Variants in TRPM3 observed in about 807,000 individuals in gnomAD.
TRPM3 encodes transient receptor potential cation channel subfamily M member 3.
In TRPM3, 77 loss-of-function variants were observed where a neutral mutation model predicts 181.2. That is an observed-to-expected ratio of 0.42 (90% CI 0.35 to 0.51). The LOEUF (loss-of-function observed/expected upper bound fraction) is 0.51, where lower values mean the gene tolerates loss of function less well. TRPM3 is among the 20% of genes least tolerant of loss of function. The pLI, the probability that TRPM3 is intolerant of heterozygous loss-of-function variation, is 0.01. For missense variants in TRPM3, 1,759 were observed against 2,196.7 expected, an observed-to-expected ratio of 0.80 and a Z score of 3.98; for synonymous variants, 745 against 796.4, an observed-to-expected ratio of 0.94 and a Z score of 1.09.
chr9:71,035,178 C>A (rs1375584866), intron 1 of TRPM3, among the ~76,000 whole-genome samples: 1 of 152,164 alleles, frequency 6.6e-6, no homozygotes, highest in Non-Finnish European at 1.5e-5. Context: ...ACATGATTGA[C>A]AACCATTCAG....
Position 71,020,842 on chromosome 9 carries a change from A to G in TRPM3, c.177+100336T>C, listed in dbSNP as rs557890560. Among the ~76,000 whole-genome samples, 25 of 152,334 alleles carry G rather than the reference A, an allele frequency of 1.6e-4. No individual in the cohort carries two copies. In the Middle Eastern group the frequency reaches 0.01, roughly 62 times the overall value. ...ATCTACTAAACTTGAAAATTCTCAT[A>G]GTCTACAGTAATTTGCACAGTAATT... is the stretch of plus-strand genomic sequence containing the variant. On this transcript the variant is annotated intron_variant, in intron 1 of 25. Transcript: ENST00000677713.
At chr9:71,386,206 T>C (rs2092919681) in intron 1 of TRPM3, among the ~76,000 whole-genome samples, 1 of 151,882 alleles carries the variant, frequency 6.6e-6, no homozygotes, top group Non-Finnish European at 1.5e-5. Context: ...ATCCCAGCAC[T>C]TTGGGAGGCC....
intron 1 of TRPM3, among the ~76,000 whole-genome samples, chr9:71,114,893 A>G (rs950426433): frequency 4.6e-5 from 7 of 152,190 alleles, no homozygotes; most frequent in Admixed American, 1.3e-4. Flanking sequence ...AGCATAGAAA[A>G]TTCTGAAATT....
chr9:71,009,679 A>T (rs963510936), intron 1 of TRPM3, among the ~76,000 whole-genome samples: 1 of 152,190 alleles, frequency 6.6e-6, no homozygotes, highest in African/African-American at 2.4e-5. Context: ...TACAGATTTA[A>T]TGCAGTCTCT....
At chr9:71,099,381 T>G (rs2067899950) in intron 1 of TRPM3, among the ~76,000 whole-genome samples, 1 of 152,096 alleles carries the variant, frequency 6.6e-6, no homozygotes, top group African/African-American at 2.4e-5. Flanking sequence ...ACATAAATTT[T>G]GGGGGGGTAT....
intron 1 of TRPM3, among the ~76,000 whole-genome samples, chr9:71,031,972 T>TA (rs1554806564): frequency 0.16 from 102 of 636 alleles, 13 homozygotes; most frequent in South Asian, 0.5. Context: ...TATATATATA[T>TA]TATATATATA....
intron 1 of TRPM3, among the ~76,000 whole-genome samples, chr9:71,444,632 A>G (rs2094179921): frequency 6.6e-6 from 1 of 151,992 alleles, no homozygotes; most frequent in African/African-American, 2.4e-5. Flanking sequence ...GAGAGAAAAA[A>G]TCTTACATTA....
chr9:71,121,290 G>C lies in TRPM3; in HGVS notation c.65C>G (p.Ser22Cys), dbSNP rs2073600712. 6.2e-7 allele frequency: 1 copy of C among 1,613,902 alleles called. No homozygotes were observed. The highest frequency in any genetic ancestry group is 1.3e-5 in the African/African-American group (1 of 74,882). Reference protein sequence around the residue: ...GIAQVFSFLFSWWNLEGVMNQ... With the variant: ...GIAQVFSFLFCWWNLEGVMNQ... Reference sequence around the variant, plus strand: ...CATGACCCCTTCCAAATTCCACCAGGAAAACAAGAAACTGAAAACCTGAGC... The same window carrying C: ...CATGACCCCTTCCAAATTCCACCAGCAAAACAAGAAACTGAAAACCTGAGC... The change falls in exon 1 of 26, where the codon TCC becomes TGC. Residue 22 changes from serine to cysteine, a missense_variant. Transcript: ENST00000677713.
At chr9:70,611,285 G>A (rs2061958499) in intron 18 of TRPM3, among the ~76,000 whole-genome samples, 1 of 152,176 alleles carries the variant, frequency 6.6e-6, no homozygotes, top group Non-Finnish European at 1.5e-5. Context: ...TTGGCTCTGT[G>A]TCCCCACCCA....
At chr9:71,298,032 C>T (rs1203136388) in intron 1 of TRPM3, among the ~76,000 whole-genome samples, 1 of 151,842 alleles carries the variant, frequency 6.6e-6, no homozygotes, top group East Asian at 1.9e-4. Flanking sequence ...TTTAGAGGTA[C>T]TCTAGTCTAA....
intron 1 of TRPM3, among the ~76,000 whole-genome samples, chr9:71,298,507 T>A (rs1267709441): frequency 1.3e-5 from 2 of 152,104 alleles, no homozygotes; most frequent in Admixed American, 1.3e-4. Context: ...TATAAAAATT[T>A]ATGGTTTTAT....
chr9:71,252,308 C>A (rs901490285), intron 1 of TRPM3, among the ~76,000 whole-genome samples: 8 of 152,082 alleles, frequency 5.3e-5, no homozygotes, highest in African/African-American at 1.7e-4. Flanking sequence ...GTGGATACAG[C>A]GTATCAGGGT....
In TRPM3 at chr9:70,533,742, G is replaced by A. The variant is rs990283796; in HGVS notation, c.*2211C>T. ...TAGCCAGCGTGGGGCCCAATAAAAT[G>A]TTAAGTGTTTCTAGAACAGCTGTAA... On this transcript the variant is annotated 3_prime_UTR_variant, in exon 26 of 26. Transcript: ENST00000677713. 2 of 152,170 alleles carry A rather than the reference G, an allele frequency of 1.3e-5. No individual in the cohort carries two copies. Among genetic ancestry groups the A allele is most frequent in the Non-Finnish European group, 2.9e-5 (2 of 68,034 alleles). The allele number at this position is 152,170 out of a possible 1,614,324, so 9.4% of individuals were successfully genotyped here.
intron 8 of TRPM3, among the ~76,000 whole-genome samples, chr9:70,691,228 G>T (rs1432375632): frequency 1.3e-5 from 2 of 152,052 alleles, no homozygotes; most frequent in East Asian, 1.9e-4. Flanking sequence ...GGTCGAAGTG[G>T]GTGACTTAAA....
At chr9:71,011,830 A>G (rs1384150057) in intron 1 of TRPM3, among the ~76,000 whole-genome samples, 1 of 138,284 alleles carries the variant, frequency 7.2e-6, no homozygotes, top group African/African-American at 2.8e-5. Flanking sequence ...TATGCAGACT[A>G]GAGTGCAGTG....
chr9:71,067,492 T>C (rs2062081832), intron 1 of TRPM3, among the ~76,000 whole-genome samples: 1 of 152,222 alleles, frequency 6.6e-6, no homozygotes, highest in African/African-American at 2.4e-5. Flanking sequence ...ATATGGGCTA[T>C]GCAGCCAGAA....
chr9:71,363,912 G>A (rs76865162), intron 1 of TRPM3, among the ~76,000 whole-genome samples: 1 of 152,224 alleles, frequency 6.6e-6, no homozygotes, highest in African/African-American at 2.4e-5. Flanking sequence ...CACAAAAATA[G>A]TTATGAAATG....
At chr9:70,973,070 A>T (rs998191624) in intron 1 of TRPM3, among the ~76,000 whole-genome samples, 3 of 152,198 alleles carry the variant, frequency 2.0e-5, no homozygotes, top group Non-Finnish European at 4.4e-5. Flanking sequence ...GGTGAGACAA[A>T]ATAAGATTTT....
At chr9:71,361,196 A>G (rs1244671043) in intron 1 of TRPM3, among the ~76,000 whole-genome samples, 2 of 152,166 alleles carry the variant, frequency 1.3e-5, no homozygotes, top group Non-Finnish European at 2.9e-5. Context: ...CATGTTGGCC[A>G]GGCTGGTCTT....
Sources: gnomAD v4.1 joint callset for allele counts (sites outside exome capture counted in the v4.1 genomes callset) on GRCh38, gnomAD v4.1.1 for gene constraint, MANE v1.5 for transcripts, NCBI Gene and HGNC (gene_info 2026-07-23, HGNC 2026-07-21) for gene names.